The following MAJIN variants were observed in gnomAD, a reference collection of about 807,000 sequenced individuals.
The protein encoded by MAJIN is membrane-anchored junction protein.
MAJIN carries 27 observed loss-of-function variants against 30.2 expected under a neutral mutation model. That is an observed-to-expected ratio of 0.89 (90% CI 0.66 to 1.23). The LOEUF (loss-of-function observed/expected upper bound fraction) is 1.23. Among genes scored for constraint, MAJIN ranks in the 50% most tolerant of loss-of-function variants. The pLI is 0.00. For synonymous variants in MAJIN, 78 were observed against 91.6 expected, an observed-to-expected ratio of 0.85 and a Z score of 0.85; for missense variants, 253 against 260.3, an observed-to-expected ratio of 0.97 and a Z score of 0.19.
intron 1 of MAJIN, among the ~76,000 whole-genome samples, chr11:64,966,353 G>C (rs1346588510): frequency 6.6e-6 from 1 of 151,574 alleles, no homozygotes; most frequent in Non-Finnish European, 1.5e-5. Context: ...TGGCCAACAT[G>C]GTGAAACTCT....
chr11:64,940,422 C>G (rs1945356396), intron 9 of MAJIN, 152 bp downstream of exon 9: 1 of 718,486 alleles, frequency 1.4e-6, no homozygotes, highest in Non-Finnish European at 2.4e-6. Context: ...GCCCCCAGAC[C>G]AGAGGATGGC....
At chr11:64,966,690 C>G (rs900321732) in intron 1 of MAJIN, among the ~76,000 whole-genome samples, 2 of 152,042 alleles carry the variant, frequency 1.3e-5, no homozygotes, top group Admixed American at 6.6e-5. Flanking sequence ...TCCCAGCACT[C>G]TGGGAGGCCA....
chr11:64,940,331 CTAT>C (rs1485083037), intron 9 of MAJIN, among the ~76,000 whole-genome samples: 4 of 152,148 alleles, frequency 2.6e-5, no homozygotes, highest in Admixed American at 6.5e-5. Context: ...CATAACTTCA[CTAT>C]CAGAAGCAGA....
intron 4 of MAJIN, among the ~76,000 whole-genome samples, chr11:64,951,524 C>T (rs940010884): frequency 1.3e-5 from 2 of 152,094 alleles, no homozygotes; most frequent in African/African-American, 2.4e-5. Context: ...CAGCACTCTG[C>T]GAGGCCAAGG....
In MAJIN at chr11:64,939,653, CTG is replaced by C; in HGVS notation, c.*1+7_*1+8del. ...TCTCGAGTCTGATGCCGGACAGAAG[CTG>C]TCTTACCTTAGAAACCCAAAGAAGC... On this transcript the variant is annotated splice_region_variant and intron_variant, in intron 10 of 10. Transcript: ENST00000301896. 6.2e-7 allele frequency: 1 copy of C among 1,610,954 alleles called. No individual in the cohort carries two copies. The highest frequency in any genetic ancestry group is 1.1e-5 in the South Asian group (1 of 90,930).
chr11:64,940,171 G>A (rs1382900392), intron 9 of MAJIN, among the ~76,000 whole-genome samples: 1 of 152,150 alleles, frequency 6.6e-6, no homozygotes, highest in Non-Finnish European at 1.5e-5. Flanking sequence ...CCCAGCCCTT[G>A]CAAAGCATCC....
chr11:64,945,370 C>CAAACAAAA (rs1029748734), intron 8 of MAJIN, among the ~76,000 whole-genome samples: 5 of 151,688 alleles, frequency 3.3e-5, no homozygotes, highest in Admixed American at 2.0e-4. Flanking sequence ...AACAAACAAA[C>CAAACAAAA]AAACAAAAAA....
chr11:64,970,277 C>T lies in MAJIN; in HGVS notation c.-65+1600G>A, dbSNP rs147285019. Among the ~76,000 whole-genome samples, 198 of 149,272 alleles carry T rather than the reference C, an allele frequency of 1.3e-3. 1 individual carries two copies. The highest frequency in any genetic ancestry group is 4.3e-3 in the African/African-American group (174 of 40,794). ...ACTTGAGAGGCTGAGGCAGGAGCAT[C>T]GCTTGAACCCAGCAGGCAGAGGTTG... On this transcript the variant is annotated intron_variant, in intron 1 of 10. Transcript: ENST00000301896.
chr11:64,948,905 C>T (rs565024359), intron 6 of MAJIN, among the ~76,000 whole-genome samples: 10 of 148,470 alleles, frequency 6.7e-5, no homozygotes, highest in East Asian at 2.1e-4. Flanking sequence ...CCTCTTGCCT[C>T]GGCCTCCCAA....
At chr11:64,951,240 T>C (rs1004647329) in intron 4 of MAJIN, among the ~76,000 whole-genome samples, 1 of 152,222 alleles carries the variant, frequency 6.6e-6, no homozygotes, top group Non-Finnish European at 1.5e-5. Context: ...TGAATAATAC[T>C]GGTATTAACT....
At chr11:64,954,168 C>G (rs1485972928) in intron 4 of MAJIN, 1 of 164,828 alleles carries the variant, frequency 6.1e-6, no homozygotes, top group Non-Finnish European at 1.3e-5. Context: ...TATGCCAGGA[C>G]TGGAATCCAG....
intron 8 of MAJIN, among the ~76,000 whole-genome samples, chr11:64,941,748 G>A (rs1945382306): frequency 6.6e-6 from 1 of 152,174 alleles, no homozygotes; most frequent in Non-Finnish European, 1.5e-5. Flanking sequence ...GGAGCAGGTG[G>A]TGTTAGTCAA....
chr11:64,947,931 C>A (rs770909928), intron 6 of MAJIN, 112 bp from the exon 7 acceptor site: 223 of 930,764 alleles, frequency 2.4e-4, no homozygotes, highest in Non-Finnish European at 3.5e-4. Context: ...GCGATCTCGG[C>A]TCACTGCAAC....
intron 1 of MAJIN, among the ~76,000 whole-genome samples, chr11:64,970,382 T>C (rs1945880330): frequency 7.2e-6 from 1 of 139,840 alleles, no homozygotes; most frequent in African/African-American, 2.6e-5. Flanking sequence ...TTTTTTTTTT[T>C]TTGAGACGGA....
In MAJIN at chr11:64,961,716, T is replaced by G. The variant is rs540288306; in HGVS notation, c.-64-1581A>C. On this transcript the variant is annotated intron_variant, in intron 1 of 10. Coordinates refer to ENST00000301896, the MANE Select transcript of MAJIN (RefSeq NM_001037225.3). ...TGGTCTCGATCTCCTGGCCTTGTGA[T>G]CCGCCCGCCTCGGCCTCCCAAAGTG... Among the ~76,000 whole-genome samples the G allele has an allele frequency of 4.7e-4, 71 of 151,012 alleles. No individual in the cohort carries two copies. In the East Asian group the frequency reaches 0.013, roughly 29 times the overall value.
At chr11:64,959,137 A>G (rs1156984323) in intron 3 of MAJIN, among the ~76,000 whole-genome samples, 168 bp downstream of exon 3, 6 of 151,870 alleles carry the variant, frequency 4.0e-5, no homozygotes, top group Non-Finnish European at 8.8e-5. Flanking sequence ...TTAGAAACTC[A>G]TATGAATAAT....
In MAJIN at chr11:64,960,140, G is replaced by A. The variant is rs1449694863; in HGVS notation, c.-64-5C>T. 4.6e-5 allele frequency: 7 copies of A among 152,032 alleles called. No homozygotes were observed. Among genetic ancestry groups the A allele is most frequent in the African/African-American group, 1.7e-4 (7 of 41,376 alleles). 9.4% of individuals were successfully genotyped at this position (152,032 alleles called of 1,614,324 possible). A position where few individuals can be genotyped will look rare whatever the true frequency, so the allele number is the denominator to read the frequency against. ...TCTGTCCACTTAAGGTCGTCTCTGT[G>A]GGGAGTTAAGGGGAGAGATGGAAAA... On this transcript the variant is annotated splice_polypyrimidine_tract_variant and splice_region_variant and intron_variant, in intron 1 of 10. Coordinates refer to ENST00000301896, the MANE Select transcript of MAJIN (RefSeq NM_001037225.3).
chr11:64,946,132 G>C, intron 8 of MAJIN: 1 of 1,535,442 alleles, frequency 6.5e-7, no homozygotes. Context: ...TGGGGCCTTG[G>C]CTGGAAGTCC....
intron 6 of MAJIN, among the ~76,000 whole-genome samples, chr11:64,948,602 C>CAT (rs1554970962): frequency 0.028 from 544 of 19,346 alleles, 3 homozygotes; most frequent in Non-Finnish European, 0.034. Flanking sequence ...CGGGCTACAT[C>CAT]ATATATATAT....
Sources: allele counts gnomAD v4.1 joint callset (sites outside exome capture counted in the v4.1 genomes callset), GRCh38; gene constraint gnomAD v4.1.1; transcripts MANE v1.5; gene names NCBI Gene and HGNC (gene_info 2026-07-23, HGNC 2026-07-21).